The following SEL1L3 variants were observed in gnomAD, a reference collection of about 807,000 sequenced individuals.
SEL1L3 encodes SEL1L family member 3.
SEL1L3 carries 76 observed loss-of-function variants against 142.8 expected under a neutral mutation model. The ratio of observed to expected loss-of-function variants is 0.53; its 90% CI spans 0.44 to 0.64. SEL1L3 has a LOEUF of 0.64. Among genes scored for constraint, SEL1L3 ranks in the 30% least tolerant of loss-of-function variants. The pLI, the probability that SEL1L3 is intolerant of heterozygous loss-of-function variation, is 0.00. For missense variants in SEL1L3, 1,262 were observed against 1,381.7 expected, an observed-to-expected ratio of 0.91 and a Z score of 1.37; for synonymous variants, 504 against 519.6, an observed-to-expected ratio of 0.97 and a Z score of 0.41.
In SEL1L3 at chr4:25,788,586, G is replaced by A. The variant is rs1157297298; in HGVS notation, c.2077-222C>T. On this transcript the variant is annotated intron_variant, in intron 12 of 23. Transcript: ENST00000399878. The surrounding 1 kb of genome is among the most constrained non-coding windows in gnomAD (Gnocchi z 5.3). ...AAATGGTTCGTGTGTGTGTGTGTGT[G>A]TGTGTGTGTGTGTGTGTGTGTGTGT... is the stretch of plus-strand genomic sequence containing the variant. Among the ~76,000 whole-genome samples the A allele has an allele frequency of 2.0e-5, 3 of 149,694 alleles. No homozygotes were observed. Among genetic ancestry groups the A allele is most frequent in the African/African-American group, 7.3e-5 (3 of 40,936 alleles).
chr4:25,730,162 G>A, the SEL1L3 span, among the ~76,000 whole-genome samples: 87 of 152,156 alleles, frequency 5.7e-4, no homozygotes, highest in African/African-American at 2.1e-3. Flanking sequence ...TCGAACTCCT[G>A]ACCTCAAGTG....
the SEL1L3 span, among the ~76,000 whole-genome samples, chr4:25,739,720 C>CAA: frequency 4.8e-4 from 66 of 136,942 alleles, no homozygotes; most frequent in African/African-American, 1.5e-3. Context: ...AAACAAAAAA[C>CAA]AAAAAAAAAA....
Position 25,790,590 on chromosome 4 carries a change from G to C in SEL1L3, c.1957-16C>G, listed in dbSNP as rs770166983. The C allele has an allele frequency of 3.4e-6, 5 of 1,461,634 alleles. No individual in the cohort carries two copies. In the Admixed American group the frequency reaches 9.1e-5, roughly 27 times the overall value. The allele number at this position is 1,461,634 out of a possible 1,614,324, so 90.5% of individuals were successfully genotyped here. On this transcript the variant is annotated splice_polypyrimidine_tract_variant and intron_variant, in intron 11 of 23. Coordinates refer to ENST00000399878, the MANE Select transcript of SEL1L3 (RefSeq NM_015187.5). ...CAACATATGCCTGAGAAGGAAGGAG[G>C]GAAAGAAGGAAGGAGGGAAAGAAGG...
At chr4:25,722,510 G>T in the SEL1L3 span, among the ~76,000 whole-genome samples, 1 of 151,942 alleles carries the variant, frequency 6.6e-6, no homozygotes, top group African/African-American at 2.4e-5. Context: ...TGTGAGCTGC[G>T]CAAAGTCAGA....
intron 2 of SEL1L3, among the ~76,000 whole-genome samples, chr4:25,846,493 T>C (rs555081361): frequency 6.6e-6 from 1 of 152,304 alleles, no homozygotes; most frequent in African/African-American, 2.4e-5. Context: ...GTTACAGAGA[T>C]AGAAAGTGGC....
In SEL1L3 at chr4:25,765,439, C is replaced by T. The variant is rs200054439; in HGVS notation, c.2846-4G>A. ...AGGTCTCCCATCTTCAAATATGCTG[C>T]AGGAAATAAAGCACAGATCCATTTG... On this transcript the variant is annotated splice_polypyrimidine_tract_variant and splice_region_variant and intron_variant, in intron 19 of 23. Coordinates refer to ENST00000399878, the MANE Select transcript of SEL1L3 (RefSeq NM_015187.5). 3.7e-5 allele frequency: 59 copies of T among 1,579,032 alleles called. No homozygotes were observed. Among genetic ancestry groups the T allele is most frequent in the Admixed American group, 5.0e-5 (3 of 59,942 alleles).
intron 9 of SEL1L3, among the ~76,000 whole-genome samples, chr4:25,815,166 C>CG (rs767880592): frequency 6.6e-6 from 1 of 152,172 alleles, no homozygotes; most frequent in Non-Finnish European, 1.5e-5. Flanking sequence ...TATGGTCCCT[C>CG]GGGGGAAGCT....
chr4:25,793,684 C>T (rs1465020938), intron 11 of SEL1L3, among the ~76,000 whole-genome samples: 3 of 152,078 alleles, frequency 2.0e-5, no homozygotes, highest in Non-Finnish European at 4.4e-5. Flanking sequence ...GCCTTGGGCT[C>T]GTTACTTTAT....
At chr4:25,761,600 T>C (rs1718384307) in intron 20 of SEL1L3, among the ~76,000 whole-genome samples, 1 of 152,230 alleles carries the variant, frequency 6.6e-6, no homozygotes, top group South Asian at 2.1e-4. Flanking sequence ...GAACTAATTA[T>C]GGTTTAAATT....
rs765313497 is a variant in SEL1L3 at position 25,833,089 on chromosome 4, T to C, written c.1004A>G (p.His335Arg). ...AGCAAGGTCTTCCCCTTTGACAAGA[T>C]GCATCTGAATATGCAAATAGCCTAA... ...TEEGYLHIQMHLVKGEDLAVK... is the reference protein window; with the variant it reads ...TEEGYLHIQMRLVKGEDLAVK... Residue 335 changes from histidine (H) to arginine (R), a missense_variant, in exon 5 of 24, where the codon CAT becomes CGT. Physicochemically the swap from His to Arg is conservative, Grantham distance 29. Transcript: ENST00000399878. 1.2e-6 allele frequency: 2 copies of C among 1,605,372 alleles called. No individual in the cohort carries two copies. Among genetic ancestry groups the C allele is most frequent in the Admixed American group, 3.3e-5 (2 of 60,012 alleles).
intron 15 of SEL1L3, among the ~76,000 whole-genome samples, chr4:25,781,199 T>G (rs1054389410): frequency 2.0e-5 from 3 of 152,116 alleles, no homozygotes; most frequent in Non-Finnish European, 4.4e-5. Context: ...TCCCCTCCTA[T>G]TATATATTTA....
intron 11 of SEL1L3, among the ~76,000 whole-genome samples, chr4:25,797,407 A>C (rs373160335): frequency 9.9e-5 from 15 of 152,170 alleles, no homozygotes; most frequent in African/African-American, 3.6e-4. Context: ...CGTGTTTAAA[A>C]TCAGCTATAA....
rs1269270678 is a variant in SEL1L3 at position 25,779,005 on chromosome 4, A to T, written c.2585+71T>A. The stretch of plus-strand genomic sequence containing the variant: ...CTGGTAAAAATAAAGAACTCAACTT[A>T]AAAAATGCTCAGGCACAGAGAATAT... On this transcript the variant is annotated intron_variant, in intron 16 of 23. Transcript: ENST00000399878. 218 of 1,404,078 alleles carry T rather than the reference A, an allele frequency of 1.6e-4. 1 individual carries two copies. Among genetic ancestry groups the T allele is most frequent in the Non-Finnish European group, 6.0e-5 (63 of 1,042,244 alleles). The allele number at this position is 1,404,078 out of a possible 1,614,324, so 87.0% of individuals were successfully genotyped here. A position where few individuals can be genotyped will look rare whatever the true frequency, so the allele number is the denominator to read the frequency against.
intron 1 of SEL1L3, among the ~76,000 whole-genome samples, chr4:25,851,918 G>A (rs1488955283): frequency 1.3e-5 from 2 of 151,154 alleles, no homozygotes; most frequent in Non-Finnish European, 2.9e-5. Flanking sequence ...GGTCACAGTG[G>A]AAACTATGTC....
chr4:25,859,870 T>C (rs1399882846), intron 1 of SEL1L3, among the ~76,000 whole-genome samples: 1 of 152,224 alleles, frequency 6.6e-6, no homozygotes, highest in Non-Finnish European at 1.5e-5. Context: ...GCTTCCTGCT[T>C]TGTATATTTT....
intron 16 of SEL1L3, 129 bp downstream of exon 16, chr4:25,778,947 T>C (rs1227501225): frequency 1.4e-6 from 1 of 713,668 alleles, no homozygotes; most frequent in African/African-American, 1.8e-5. Context: ...TCTTGTCAAA[T>C]TACATGACTT....
At chr4:25,854,174 T>C (rs1455275141) in intron 1 of SEL1L3, among the ~76,000 whole-genome samples, 3 of 152,174 alleles carry the variant, frequency 2.0e-5, no homozygotes, top group Non-Finnish European at 4.4e-5. Context: ...GGACAACACA[T>C]AACTGAATGG....
chr4:25,777,760 A>C lies in SEL1L3; in HGVS notation c.2585+1316T>G, dbSNP rs574261841. ...TAACAATGATAAAAAACTTCAAGTC[A>C]GTCTAAGTCAAGTTTATCACCAAGG... On this transcript the variant is annotated intron_variant, in intron 16 of 23. Coordinates refer to ENST00000399878, the MANE Select transcript of SEL1L3 (RefSeq NM_015187.5). The C allele has an allele frequency of 7.6e-5, 34 of 448,008 alleles. No individual in the cohort carries two copies. The East Asian group carries it at 1.3e-3, about 17-fold the overall frequency. 27.8% of individuals were successfully genotyped at this position (448,008 alleles called of 1,614,324 possible).
At chr4:25,821,008 G>A (rs1038872798) in intron 7 of SEL1L3, among the ~76,000 whole-genome samples, 1 of 152,156 alleles carries the variant, frequency 6.6e-6, no homozygotes, top group Non-Finnish European at 1.5e-5. Flanking sequence ...GATTACAGGT[G>A]TGAGCCACCA....
Sources: allele counts gnomAD v4.1 joint callset (sites outside exome capture counted in the v4.1 genomes callset), GRCh38; gene constraint gnomAD v4.1.1; non-coding constraint Gnocchi (gnomAD v3.1); transcripts MANE v1.5; gene names NCBI Gene and HGNC (gene_info 2026-07-23, HGNC 2026-07-21).